Variants in PTPRQ observed in about 807,000 individuals in gnomAD.
PTPRQ encodes protein tyrosine phosphatase receptor type Q.
A neutral mutation model predicts 246.0 loss-of-function variants in PTPRQ; 199 were observed. That is an observed-to-expected ratio of 0.81 (90% CI 0.72 to 0.91). The LOEUF is 0.91. Among genes scored for constraint, PTPRQ ranks in the 40% least tolerant of loss-of-function variants. PTPRQ has a pLI of 0.00. For synonymous variants in PTPRQ, 869 were observed against 853.2 expected (o/e 1.02, Z -0.32); for missense variants, 2,624 against 2,528.4 (o/e 1.04, Z -0.81).
At chr12:80,542,067 A>C (rs2100013317) in intron 21 of PTPRQ, 22 bp from the exon 22 acceptor site, 2 of 1,527,764 alleles carry the variant, frequency 1.3e-6, no homozygotes, top group Admixed American at 4.5e-5. Context: ...GTTTCATTTA[A>C]TATTCTCTTT....
chr12:80,522,397 A>G (rs1449834550), intron 17 of PTPRQ, among the ~76,000 whole-genome samples: 1 of 152,076 alleles, frequency 6.6e-6, no homozygotes, highest in Non-Finnish European at 1.5e-5. Context: ...TTCCAACACT[A>G]TGTTGAATAG....
chr12:80,478,082 C>G (rs1459261035), intron 8 of PTPRQ, among the ~76,000 whole-genome samples: 1 of 152,132 alleles, frequency 6.6e-6, no homozygotes, highest in Non-Finnish European at 1.5e-5. Context: ...GGGCAGGGCA[C>G]AGACAAACAA....
At chr12:80,481,422 T>G in intron 8 of PTPRQ, among the ~76,000 whole-genome samples, 1 of 152,180 alleles carries the variant, frequency 6.6e-6, no homozygotes, top group Non-Finnish European at 1.5e-5. Flanking sequence ...AATATCATAC[T>G]GAATGGGCAA....
At chr12:80,476,872 CTT>C (rs1261044102) in intron 8 of PTPRQ, among the ~76,000 whole-genome samples, 1 of 152,108 alleles carries the variant, frequency 6.6e-6, no homozygotes, top group Non-Finnish European at 1.5e-5. Context: ...TTCTTGAACT[CTT>C]TGTTCCTTAT....
At chr12:80,615,080 C>A (rs1485000873) in intron 29 of PTPRQ, among the ~76,000 whole-genome samples, 8 of 151,006 alleles carry the variant, frequency 5.3e-5, no homozygotes, top group Non-Finnish European at 1.2e-4. Context: ...TCTTTGCACA[C>A]TGCAATTTCA....
rs920238510 is a variant in PTPRQ, at chr12:80,630,242, C to T, written c.5687-1950C>T. On this transcript the variant is annotated intron_variant, in intron 33 of 44. Transcript: ENST00000644991. ...TTAAAGAGCCTTCTTTTCTCCTTTCCTTCCCCCCTATGTCATAGACTCCCT... is the reference window on the plus strand; with the variant it reads ...TTAAAGAGCCTTCTTTTCTCCTTTCTTTCCCCCCTATGTCATAGACTCCCT... Among the ~76,000 whole-genome samples, 10 of 151,766 alleles carry T rather than the reference C, an allele frequency of 6.6e-5. No individual in the cohort carries two copies. The East Asian group carries it at 1.7e-3, about 27-fold the overall frequency.
chr12:80,530,055 A>G (rs920942553), intron 17 of PTPRQ, among the ~76,000 whole-genome samples: 2 of 152,092 alleles, frequency 1.3e-5, no homozygotes, highest in Admixed American at 6.6e-5. Flanking sequence ...GATATGTAAG[A>G]GTTAGACCTG....
chr12:80,496,132 T>C, intron 13 of PTPRQ, 26 bp downstream of exon 13: 2 of 1,543,250 alleles, frequency 1.3e-6, no homozygotes, highest in Non-Finnish European at 1.7e-6. Context: ...GCAGCTTTAA[T>C]TTTTTTAAAA....
At chr12:80,646,305 A>G (rs1900069626) in intron 35 of PTPRQ, among the ~76,000 whole-genome samples, 1 of 152,242 alleles carries the variant, frequency 6.6e-6, no homozygotes, top group Non-Finnish European at 1.5e-5. Context: ...AAAATTAAGT[A>G]TTGCACATGA....
chr12:80,634,915 C>T (rs1189481558), intron 34 of PTPRQ, 30 bp from the exon 35 acceptor site: 2 of 1,543,804 alleles, frequency 1.3e-6, no homozygotes, highest in Admixed American at 4.0e-5. Context: ...TGTGAAACTC[C>T]CTTCTTGGAC....
chr12:80,511,267 C>A (rs892006524), intron 17 of PTPRQ, among the ~76,000 whole-genome samples: 4 of 152,088 alleles, frequency 2.6e-5, no homozygotes, highest in Non-Finnish European at 5.9e-5. Flanking sequence ...TCCCCTTTAA[C>A]CCCTTTACAT....
At chr12:80,451,080 G>T (rs966212361) in intron 3 of PTPRQ, among the ~76,000 whole-genome samples, 2 of 152,148 alleles carry the variant, frequency 1.3e-5, no homozygotes, top group African/African-American at 2.4e-5. Flanking sequence ...TATTCAGAGA[G>T]TCAACTTCTT....
chr12:80,637,917 T>C (rs896847070), intron 35 of PTPRQ, among the ~76,000 whole-genome samples: 1 of 152,118 alleles, frequency 6.6e-6, no homozygotes, highest in African/African-American at 2.4e-5. Context: ...TTGGCAGACT[T>C]CCACCATATG....
In PTPRQ at chr12:80,546,654, C is replaced by T; in HGVS notation, c.3972C>T (p.Gly1324=). 6.4e-7 allele frequency: 1 copy of T among 1,551,468 alleles called. No homozygotes were observed. The highest frequency in any genetic ancestry group is 8.7e-7 in the Non-Finnish European group (1 of 1,146,876). Reference sequence around the variant, plus strand: ...CTGCGTTCACCAAAGTTGGAAATGGCAATCAATTTAGTAATGTAGTAAAAT... The same window carrying T: ...CTGCGTTCACCAAAGTTGGAAATGGTAATCAATTTAGTAATGTAGTAAAAT... The part of the protein sequence containing the change: ...RVSAFTKVGN[G]NQFSNVVKFT... Residue 1324 remains glycine (G), a synonymous_variant, in exon 24 of 45, where the codon GGC becomes GGT. Transcript: ENST00000644991.
chr12:80,628,502 A>T (rs989872409), intron 33 of PTPRQ, among the ~76,000 whole-genome samples: 4 of 152,206 alleles, frequency 2.6e-5, no homozygotes, highest in Admixed American at 2.6e-4. Context: ...CTTAAAATTG[A>T]TTACAATTAT....
intron 10 of PTPRQ, among the ~76,000 whole-genome samples, chr12:80,494,250 T>C (rs970964563): frequency 1.3e-5 from 2 of 152,024 alleles, no homozygotes; most frequent in Non-Finnish European, 2.9e-5. Context: ...ATGCAGACAT[T>C]CCCTTAAATA....
At chr12:80,631,560 C>A (rs907939425) in intron 33 of PTPRQ, among the ~76,000 whole-genome samples, 1 of 152,106 alleles carries the variant, frequency 6.6e-6, no homozygotes, top group Admixed American at 6.5e-5. Flanking sequence ...ATCTCTAGCA[C>A]CATTATATGT....
chr12:80,591,194 C>T (rs1897791618), intron 26 of PTPRQ, among the ~76,000 whole-genome samples: 1 of 144,460 alleles, frequency 6.9e-6, no homozygotes, highest in Admixed American at 7.1e-5. Flanking sequence ...GGCACGGTCA[C>T]AGCTTACTGC....
chr12:80,444,661 TG>T (rs1464219499), intron 1 of PTPRQ, 79 bp from the exon 2 acceptor site: 1 of 1,031,628 alleles, frequency 9.7e-7, no homozygotes, highest in African/African-American at 1.6e-5. Flanking sequence ...AGTTAATTTT[TG>T]TTATAGTGAT....
Sources: gnomAD v4.1 joint callset for allele counts (sites outside exome capture counted in the v4.1 genomes callset) on GRCh38, gnomAD v4.1.1 for gene constraint, MANE v1.5 for transcripts, NCBI Gene and HGNC (gene_info 2026-07-23, HGNC 2026-07-21) for gene names.